ELOVL6: variants seen among roughly 807,000 people sequenced by gnomAD.
The protein encoded by ELOVL6 is very long chain fatty acid elongase 6.
ELOVL6 carries 8 observed loss-of-function variants against 31.7 expected under a neutral mutation model. The ratio of observed to expected loss-of-function variants is 0.25; its 90% confidence interval spans 0.15 to 0.45. The LOEUF (loss-of-function observed/expected upper bound fraction) is 0.45, where lower values mean the gene tolerates loss of function less well. Among genes scored for constraint, ELOVL6 ranks in the 20% least tolerant of loss-of-function variants. The pLI, the probability that ELOVL6 is intolerant of heterozygous loss-of-function variation, is 1.00. For synonymous variants in ELOVL6, 101 were observed against 117.7 expected (o/e 0.86, Z 0.92); for missense variants, 126 against 326.4 (o/e 0.39, Z 4.73).
At chr4:110,084,552 ACACAC>A (rs1756166408) in intron 2 of ELOVL6, among the ~76,000 whole-genome samples, 1 of 71,944 alleles carries the variant, frequency 1.4e-5, no homozygotes, top group African/African-American at 8.8e-5. Flanking sequence ...ACACACACAC[ACACAC>A]ACACAGATAT....
At position 110,182,204 on chromosome 4, in the gene ELOVL6, G is replaced by GT. The variant is rs914143139; in HGVS notation, c.89+16042dup. Among the ~76,000 whole-genome samples, 15 of 152,080 alleles carry GT rather than the reference G, an allele frequency of 9.9e-5. 1 individual carries two copies. The highest frequency in any genetic ancestry group is 3.6e-4 in the African/African-American group (15 of 41,398). On this transcript the variant is annotated intron_variant, in intron 1 of 3. Coordinates refer to ENST00000302274, the MANE Select transcript of ELOVL6 (RefSeq NM_024090.3). ...GTTGTAATTCTAAAGTTAAATTAAT[G>GT]TTTTTTATCATCCTCCCTTGAAGTA... is the stretch of plus-strand genomic sequence containing the variant.
At chr4:110,135,685 TTG>T (rs1757791232) in intron 1 of ELOVL6, among the ~76,000 whole-genome samples, 1 of 152,188 alleles carries the variant, frequency 6.6e-6, no homozygotes, top group African/African-American at 2.4e-5. Flanking sequence ...CTGTCTCCTC[TTG>T]TAGTAACTGA....
At chr4:110,154,875 ATGTGCTAGAGGTCAAAAC>A (rs1319264519) in intron 1 of ELOVL6, among the ~76,000 whole-genome samples, 2 of 152,212 alleles carry the variant, frequency 1.3e-5, no homozygotes, top group Non-Finnish European at 2.9e-5. Flanking sequence ...TAGGTCAAAA[ATGTGCTAGAGGTCAAAAC>A]AGGGACTTTC....
chr4:110,142,464 C>A (rs1406828514), intron 1 of ELOVL6, among the ~76,000 whole-genome samples: 1 of 152,180 alleles, frequency 6.6e-6, no homozygotes. Context: ...ACATTGCAGA[C>A]AATCTCATCT....
At chr4:110,111,456 A>C (rs2126249273) in intron 1 of ELOVL6, among the ~76,000 whole-genome samples, 1 of 150,546 alleles carries the variant, frequency 6.6e-6, no homozygotes, top group African/African-American at 2.4e-5. Flanking sequence ...GTTAGGTTTA[A>C]GCCATGGCCA....
At chr4:110,062,832 C>G (rs2084891202) in intron 2 of ELOVL6, among the ~76,000 whole-genome samples, 1 of 152,184 alleles carries the variant, frequency 6.6e-6, no homozygotes, top group South Asian at 2.1e-4. Flanking sequence ...AGTCCAATCA[C>G]TTATTACTAA....
At chr4:110,072,495 G>C (rs1407794717) in intron 2 of ELOVL6, among the ~76,000 whole-genome samples, 2 of 151,974 alleles carry the variant, frequency 1.3e-5, no homozygotes, top group Non-Finnish European at 2.9e-5. Flanking sequence ...CTTTGTACTA[G>C]TATTTCTAGA....
intron 2 of ELOVL6, among the ~76,000 whole-genome samples, chr4:110,084,249 TA>T (rs1756090419): frequency 7.4e-6 from 1 of 135,316 alleles, no homozygotes; most frequent in Non-Finnish European, 1.5e-5. Flanking sequence ...ATATGATATA[TA>T]TAACATATAG....
intron 2 of ELOVL6, among the ~76,000 whole-genome samples, chr4:110,084,550 A>AGATATATATT (rs1560815686): frequency 1.4e-5 from 1 of 74,020 alleles, no homozygotes; most frequent in African/African-American, 7.2e-5. Context: ...ACACACACAC[A>AGATATATATT]CACACACACA....
intron 1 of ELOVL6, 67 bp from the exon 2 acceptor site, chr4:110,105,695 G>T (rs1055012985): frequency 6.8e-7 from 1 of 1,460,448 alleles, no homozygotes. Context: ...TTTTGTACCA[G>T]TTCTCCTCTT....
intron 1 of ELOVL6, among the ~76,000 whole-genome samples, chr4:110,128,876 A>C (rs1757587761): frequency 6.6e-6 from 1 of 152,212 alleles, no homozygotes. Flanking sequence ...TGTAAAGGAA[A>C]CTTCTCAGCT....
intron 2 of ELOVL6, among the ~76,000 whole-genome samples, chr4:110,097,533 T>A (rs28730909): frequency 0.31 from 46,758 of 151,764 alleles, 8,275 homozygotes; most frequent in East Asian, 0.7. Flanking sequence ...GGCTTTTAAA[T>A]AATAATACAG....
chr4:110,084,026 C>CATATATATGTTATATAT (rs1560813591), intron 2 of ELOVL6, among the ~76,000 whole-genome samples: 1 of 6,804 alleles, frequency 1.5e-4, no homozygotes, highest in Non-Finnish European at 2.7e-4. Context: ...ATAACATATG[C>CATATATATGTTATATAT]CATATATGGT....
intron 1 of ELOVL6, among the ~76,000 whole-genome samples, chr4:110,142,348 C>T (rs1020662429): frequency 6.6e-6 from 1 of 152,026 alleles, no homozygotes; most frequent in Admixed American, 6.6e-5. Context: ...CCCGGCCACC[C>T]CTTACTAATT....
At chr4:110,135,563 T>G (rs1757788423) in intron 1 of ELOVL6, among the ~76,000 whole-genome samples, 1 of 152,114 alleles carries the variant, frequency 6.6e-6, no homozygotes, top group African/African-American at 2.4e-5. Flanking sequence ...GGGAAAAAAG[T>G]CAGACACTAA....
intron 2 of ELOVL6, among the ~76,000 whole-genome samples, chr4:110,069,178 C>T (rs57637026): frequency 0.06 from 8,503 of 140,890 alleles, 663 homozygotes; most frequent in African/African-American, 0.19. Flanking sequence ...AATAGGGACA[C>T]TTGGTACCAT....
chr4:110,097,305 C>CAAAAAAAAAAAAAAAAAAAAAA (rs33970271), intron 2 of ELOVL6, among the ~76,000 whole-genome samples: 1 of 88,684 alleles, frequency 1.1e-5, no homozygotes, highest in African/African-American at 4.0e-5. Flanking sequence ...ACTCCATCTC[C>CAAAAAAAAAAAAAAAAAAAAAA]AAAAAAAAAA....
chr4:110,162,681 G>C (rs1446724175), intron 1 of ELOVL6, among the ~76,000 whole-genome samples: 1 of 152,116 alleles, frequency 6.6e-6, no homozygotes, highest in African/African-American at 2.4e-5. Context: ...GTTTTCCCCA[G>C]AAAATTAAAG....
chr4:110,072,068 A>T (rs1282768123), intron 2 of ELOVL6, among the ~76,000 whole-genome samples: 1 of 152,244 alleles, frequency 6.6e-6, no homozygotes, highest in Non-Finnish European at 1.5e-5. Context: ...TATCAGCTGA[A>T]GCCTGTTGAC....
Sources: gnomAD v4.1 joint callset for allele counts (sites outside exome capture counted in the v4.1 genomes callset) on GRCh38, gnomAD v4.1.1 for gene constraint, MANE v1.5 for transcripts, NCBI Gene and HGNC (gene_info 2026-07-23, HGNC 2026-07-21) for gene names.